The following PRPSAP2 variants were observed in gnomAD, a reference collection of about 807,000 sequenced individuals.
The protein encoded by PRPSAP2 is phosphoribosyl pyrophosphate synthetase associated protein 2, also known as phosphoribosyl pyrophosphate synthase-associated protein 2.
A neutral mutation model predicts 40.6 loss-of-function variants in PRPSAP2; 24 were observed. That is an observed-to-expected ratio of 0.59 (90% CI 0.43 to 0.83). The LOEUF is 0.83. PRPSAP2 is among the 40% of genes least tolerant of loss of function. PRPSAP2 has a pLI of 0.00. For missense variants in PRPSAP2, 292 were observed against 465.6 expected, an observed-to-expected ratio of 0.63 and a Z score of 3.43; for synonymous variants, 149 against 164.7, an observed-to-expected ratio of 0.90 and a Z score of 0.73.
Position 18,930,610 on chromosome 17 carries a change from T to C in PRPSAP2, c.1022T>C (p.Ile341Thr). 1 of 1,613,834 alleles carries C rather than the reference T, an allele frequency of 6.2e-7. No homozygotes were observed. The highest frequency in any genetic ancestry group is 8.5e-7 in the Non-Finnish European group (1 of 1,179,788). ...TGCCCCAAGATTAAAACTGTGGATA[T>C]CAGCATGATCCTTTCAGAGGCGATC... ...LQCPKIKTVD[I>T]SMILSEAIRR... Residue 341 changes from isoleucine (I) to threonine (T), a missense_variant, in exon 12 of 12, where the codon ATC (isoleucine) becomes ACC (threonine). By Grantham distance (89) the Ile-to-Thr change is moderately conservative (BLOSUM62 -1). This residue lies in a region of PRPSAP2 where 241 missense variants were observed against 425.7 expected (regional missense o/e 0.57). Coordinates refer to ENST00000268835, the MANE Select transcript of PRPSAP2 (RefSeq NM_002767.4).
intron 5 of PRPSAP2, among the ~76,000 whole-genome samples, chr17:18,877,350 G>T (rs1313472169): frequency 6.6e-6 from 1 of 152,114 alleles, no homozygotes; most frequent in East Asian, 1.9e-4. Flanking sequence ...AGAGGAGAGA[G>T]AATTCCTTAC....
At chr17:18,871,343 T>C (rs2037853048) in intron 4 of PRPSAP2, among the ~76,000 whole-genome samples, 1 of 152,208 alleles carries the variant, frequency 6.6e-6, no homozygotes, top group African/African-American at 2.4e-5. Context: ...ATAGTTGTTT[T>C]TTCCAACACC....
rs2040949985 is a variant in PRPSAP2, at chr17:18,911,369, C to T, written c.733+118C>T. ...TTTTTAGTTGGCAAAAACTCATTAA[C>T]ACCTTTCTTGGCCAGATAGTAGCGA... On this transcript the variant is annotated intron_variant, in intron 9 of 11. Coordinates refer to ENST00000268835, the MANE Select transcript of PRPSAP2 (RefSeq NM_002767.4). This position sits in a 1 kb window ranked among gnomAD's most constrained non-coding sequence, Gnocchi z 4.5. The T allele has an allele frequency of 3.2e-6, 4 of 1,252,662 alleles. No individual in the cohort carries two copies. The highest frequency in any genetic ancestry group is 4.3e-6 in the Non-Finnish European group (4 of 927,236). The allele number at this position is 1,252,662 out of a possible 1,614,324, so 77.6% of individuals were successfully genotyped here. A position where few individuals can be genotyped will look rare whatever the true frequency, so the allele number is the denominator to read the frequency against.
At chr17:18,900,231 A>G (rs898618847) in intron 8 of PRPSAP2, among the ~76,000 whole-genome samples, 2 of 152,214 alleles carry the variant, frequency 1.3e-5, no homozygotes, top group East Asian at 1.9e-4. Context: ...CATGTTGGCC[A>G]GGCTGGTTTC....
At position 18,867,322 on chromosome 17, in the gene PRPSAP2, G is replaced by A. The variant is rs753619688; in HGVS notation, c.160G>A (p.Glu54Lys). 2 of 1,614,134 alleles carry A rather than the reference G, an allele frequency of 1.2e-6. No individual in the cohort carries two copies. The change falls in exon 4 of 12, where the codon GAA (glutamate) becomes AAA (lysine). Residue 54 changes from glutamate to lysine, a missense_variant. By Grantham distance (56) the Glu-to-Lys change is moderately conservative (BLOSUM62 1). Transcript: ENST00000268835. ...GATGGGCAAAGTGCAGGTTTACCAG[G>A]AACCTAACAGAGGTGAGCTATCTTG... ...VEMGKVQVYQ[E>K]PNRETRVQIQ...
intron 4 of PRPSAP2, among the ~76,000 whole-genome samples, chr17:18,868,479 AG>A (rs1491149539): frequency 6.6e-6 from 1 of 150,734 alleles, no homozygotes; most frequent in East Asian, 2.0e-4. Flanking sequence ...ACTTTGTCTC[AG>A]GGGAAAAAAA....
chr17:18,916,008 T>C (rs1325296368), intron 9 of PRPSAP2, among the ~76,000 whole-genome samples: 1 of 151,934 alleles, frequency 6.6e-6, no homozygotes, highest in African/African-American at 2.4e-5. Context: ...TTAGTAGAGA[T>C]GGGGTTTCAC....
intron 8 of PRPSAP2, among the ~76,000 whole-genome samples, chr17:18,896,688 G>A (rs186096959): frequency 2.0e-5 from 3 of 148,390 alleles, no homozygotes; most frequent in Non-Finnish European, 4.4e-5. Flanking sequence ...ATCTACTCTG[G>A]GGATGGGACT....
At chr17:18,857,368 A>G (rs1242632447), upstream of PRPSAP2, among the ~76,000 whole-genome samples, 1 of 150,392 alleles carries the variant, frequency 6.6e-6, no homozygotes, top group Non-Finnish European at 1.5e-5. Flanking sequence ...CAAAAAACTG[A>G]TCATTTATTA....
intron 4 of PRPSAP2, among the ~76,000 whole-genome samples, chr17:18,870,544 A>C (rs1436716828): frequency 1.3e-5 from 2 of 152,292 alleles, no homozygotes; most frequent in African/African-American, 4.8e-5. Flanking sequence ...ATGGTGGCTC[A>C]CACCTGTAAT....
intron 4 of PRPSAP2, 57 bp downstream of exon 4, chr17:18,867,391 C>A: frequency 1.3e-6 from 2 of 1,548,708 alleles, no homozygotes; most frequent in African/African-American, 1.4e-5. Flanking sequence ...GGCATATTGG[C>A]TCCGTCCTTC....
rs1211787205 is a variant in PRPSAP2 at position 18,877,880 on chromosome 17, G to A, written c.412+10G>A. ...ATGATGTGCAAAGCTGGTAAGAATG[G>A]CAGATGTTTCACAATTAATTGGGGG... On this transcript the variant is annotated intron_variant, in intron 6 of 11. Coordinates refer to ENST00000268835, the MANE Select transcript of PRPSAP2 (RefSeq NM_002767.4). 6.3e-7 allele frequency: 1 copy of A among 1,577,874 alleles called. No individual in the cohort carries two copies.
At chr17:18,876,074 G>A (rs1219396017) in intron 5 of PRPSAP2, among the ~76,000 whole-genome samples, 9 of 152,006 alleles carry the variant, frequency 5.9e-5, no homozygotes, top group African/African-American at 1.9e-4. Flanking sequence ...CGGAGGTTGC[G>A]GTGAGCCGAG....
At chr17:18,891,845 C>A (rs1285775281) in intron 8 of PRPSAP2, among the ~76,000 whole-genome samples, 1 of 152,160 alleles carries the variant, frequency 6.6e-6, no homozygotes, top group African/African-American at 2.4e-5. Context: ...CATGTAGTAT[C>A]TCAGTGTTTT....
At chr17:18,899,545 T>TG (rs1555556553) in intron 8 of PRPSAP2, among the ~76,000 whole-genome samples, 2 of 108,326 alleles carry the variant, frequency 1.8e-5, no homozygotes, top group Non-Finnish European at 3.8e-5. Flanking sequence ...TTTTTTTTTT[T>TG]GAGACAGGGT....
At chr17:18,908,544 A>G in intron 8 of PRPSAP2, 1 of 750,164 alleles carries the variant, frequency 1.3e-6, no homozygotes, top group Non-Finnish European at 2.5e-6. Context: ...ATGCGGAGGG[A>G]CAAGACCCTG....
At chr17:18,919,201 A>T (rs2041543845) in intron 9 of PRPSAP2, among the ~76,000 whole-genome samples, 1 of 152,144 alleles carries the variant, frequency 6.6e-6, no homozygotes, top group Admixed American at 6.5e-5. Flanking sequence ...CCCCGTTTCT[A>T]CAAAAAGTTT....
At chr17:18,922,187 C>T (rs2041722440) in intron 9 of PRPSAP2, among the ~76,000 whole-genome samples, 1 of 152,160 alleles carries the variant, frequency 6.6e-6, no homozygotes, top group Non-Finnish European at 1.5e-5. Context: ...GATAATATTT[C>T]ATTGTCAGCA....
chr17:18,924,062 T>G (rs922114019), intron 10 of PRPSAP2, 78 bp downstream of exon 10: 1 of 1,393,300 alleles, frequency 7.2e-7, no homozygotes, highest in Non-Finnish European at 1.0e-6. Flanking sequence ...TTGATTTTAT[T>G]ACAGAGACTC....
Sources: gnomAD v4.1 joint callset for allele counts (sites outside exome capture counted in the v4.1 genomes callset) on GRCh38, gnomAD v4.1.1 for gene constraint, gnomAD v4.1.1 regional missense constraint, Gnocchi (gnomAD v3.1) non-coding constraint, MANE v1.5 for transcripts, NCBI Gene and HGNC (gene_info 2026-07-23, HGNC 2026-07-21) for gene names.